AGBL1: variants seen among roughly 807,000 people sequenced by gnomAD.
AGBL1 encodes the protein AGBL carboxypeptidase 1, also known as cytosolic carboxypeptidase 4.
A neutral mutation model predicts 118.9 loss-of-function variants in AGBL1; 130 were observed. That is an observed-to-expected ratio of 1.09 (90% CI 0.95 to 1.26). The LOEUF is 1.26. AGBL1 is among the 50% of genes most tolerant of loss of function. AGBL1 has a pLI of 0.00. For synonymous variants in AGBL1, 555 were observed against 478.9 expected, an observed-to-expected ratio of 1.16 and a Z score of -2.08; for missense variants, 1,584 against 1,298.1, an observed-to-expected ratio of 1.22 and a Z score of -3.38.
At chr15:86,137,322 G>C (rs1274965073) in intron 1 of AGBL1, among the ~76,000 whole-genome samples, 1 of 152,130 alleles carries the variant, frequency 6.6e-6, no homozygotes, top group Non-Finnish European at 1.5e-5. Flanking sequence ...CTGGCTCTCT[G>C]GTTTGTTTGT....
At chr15:86,856,367 T>C (rs753671474) in intron 22 of AGBL1, among the ~76,000 whole-genome samples, 8 of 152,194 alleles carry the variant, frequency 5.3e-5, no homozygotes, top group Non-Finnish European at 1.0e-4. Flanking sequence ...ATCTTCTCCA[T>C]GGTTACTGGG....
intron 18 of AGBL1, among the ~76,000 whole-genome samples, chr15:86,431,454 C>T (rs1209963329): frequency 2.6e-5 from 4 of 152,234 alleles, no homozygotes; most frequent in Admixed American, 2.0e-4. Flanking sequence ...TATACATTTC[C>T]GAGTAATTTG....
At chr15:86,474,613 G>A (rs2082527317) in intron 18 of AGBL1, among the ~76,000 whole-genome samples, 2 of 152,232 alleles carry the variant, frequency 1.3e-5, no homozygotes, top group Admixed American at 6.5e-5. Context: ...GCAGCTCAAG[G>A]AGGCCTGCCT....
intron 22 of AGBL1, among the ~76,000 whole-genome samples, chr15:86,749,691 C>G (rs2077816546): frequency 6.6e-6 from 1 of 152,120 alleles, no homozygotes; most frequent in African/African-American, 2.4e-5. Context: ...TCCATCAATA[C>G]CTAATTTATT....
At chr15:86,873,261 A>G (rs753190902) in intron 22 of AGBL1, among the ~76,000 whole-genome samples, 2 of 151,898 alleles carry the variant, frequency 1.3e-5, no homozygotes, top group Non-Finnish European at 2.9e-5. Context: ...GGTTTTTCCT[A>G]TTTCCCTGCT....
chr15:86,437,618 G>T (rs952565491), intron 18 of AGBL1, among the ~76,000 whole-genome samples: 6 of 152,172 alleles, frequency 3.9e-5, no homozygotes, highest in Admixed American at 2.0e-4. Context: ...ATCCTGGTTG[G>T]TGACTAAAGT....
chr15:86,286,015 C>T (rs1034935317), intron 16 of AGBL1, among the ~76,000 whole-genome samples: 1 of 152,068 alleles, frequency 6.6e-6, no homozygotes, highest in Non-Finnish European at 1.5e-5. Context: ...AGTTTGATAT[C>T]AGGCACCAAA....
chr15:86,326,631 A>C (rs1177008658), intron 17 of AGBL1, among the ~76,000 whole-genome samples: 1 of 151,996 alleles, frequency 6.6e-6, no homozygotes, highest in African/African-American at 2.4e-5. Flanking sequence ...AGACCATTTG[A>C]GCAATAATTA....
At chr15:86,779,521 G>A (rs1393026856) in intron 22 of AGBL1, among the ~76,000 whole-genome samples, 1 of 152,110 alleles carries the variant, frequency 6.6e-6, no homozygotes, top group Non-Finnish European at 1.5e-5. Context: ...GAACAGTATT[G>A]TACCTGTCTT....
chr15:86,467,226 G>A (rs2082418820), intron 18 of AGBL1, among the ~76,000 whole-genome samples: 1 of 152,182 alleles, frequency 6.6e-6, no homozygotes, highest in Non-Finnish European at 1.5e-5. Context: ...GAGAGCTGTG[G>A]TGGGCTCCGC....
intron 18 of AGBL1, among the ~76,000 whole-genome samples, chr15:86,468,468 C>T (rs941861306): frequency 1.3e-5 from 2 of 152,260 alleles, no homozygotes; most frequent in Middle Eastern, 3.4e-3. Flanking sequence ...CATTTTGATT[C>T]AGGCTAATTC....
chr15:86,107,586 CA>C, intron 1 of AGBL1: 1 of 152,296 alleles, frequency 6.6e-6, no homozygotes, highest in Admixed American at 6.5e-5. Context: ...TCCATTCTAC[CA>C]AAATGTTGAG....
At chr15:86,280,519 GCTA>G (rs1227683300) in intron 16 of AGBL1, among the ~76,000 whole-genome samples, 1 of 152,160 alleles carries the variant, frequency 6.6e-6, no homozygotes, top group Non-Finnish European at 1.5e-5. Context: ...AACCCTTACT[GCTA>G]CCATTTCGTG....
chr15:86,361,886 A>G (rs1312375904), intron 17 of AGBL1, among the ~76,000 whole-genome samples: 5 of 152,152 alleles, frequency 3.3e-5, no homozygotes, highest in Non-Finnish European at 7.4e-5. Flanking sequence ...ATCTTTTTAA[A>G]AAAATTCATT....
chr15:86,832,207 C>T (rs2079114413), intron 22 of AGBL1, among the ~76,000 whole-genome samples: 1 of 152,228 alleles, frequency 6.6e-6, no homozygotes, highest in Non-Finnish European at 1.5e-5. Context: ...CTGTAAAGAC[C>T]TCTCAGATGC....
intron 24 of AGBL1, among the ~76,000 whole-genome samples, chr15:87,005,700 A>T (rs2081492065): frequency 6.6e-6 from 1 of 152,210 alleles, no homozygotes; most frequent in Non-Finnish European, 1.5e-5. Flanking sequence ...TGTCAAAGTC[A>T]TTCTCTCTCT....
At chr15:86,358,391 T>G (rs1338203653) in intron 17 of AGBL1, among the ~76,000 whole-genome samples, 1 of 152,052 alleles carries the variant, frequency 6.6e-6, no homozygotes. Flanking sequence ...TAATATTCTC[T>G]TATATATATG....
intron 17 of AGBL1, among the ~76,000 whole-genome samples, chr15:86,335,141 A>AT (rs60369177): frequency 0.055 from 7,979 of 146,354 alleles, 242 homozygotes; most frequent in South Asian, 0.11. Flanking sequence ...AGATTAAGTT[A>AT]TTTTTTTTTT....
chr15:86,213,921 C>A (rs543462432), intron 5 of AGBL1, among the ~76,000 whole-genome samples: 2 of 152,296 alleles, frequency 1.3e-5, no homozygotes, highest in African/African-American at 4.8e-5. Flanking sequence ...ACTTCCCACT[C>A]CCCTTCCCCT....
Sources: gnomAD v4.1 joint callset for allele counts (sites outside exome capture counted in the v4.1 genomes callset) on GRCh38, gnomAD v4.1.1 for gene constraint, MANE v1.5 for transcripts, NCBI Gene and HGNC (gene_info 2026-07-23, HGNC 2026-07-21) for gene names.